Variants in SHOC1 observed in about 807,000 individuals in gnomAD.
The protein encoded by SHOC1 is shortage in chiasmata 1.
SHOC1 carries 136 observed loss-of-function variants against 179.2 expected under a neutral mutation model. That is an observed-to-expected ratio of 0.76 (90% CI 0.66 to 0.87). The LOEUF is 0.87. SHOC1 is among the 40% of genes least tolerant of loss of function. The pLI, the probability that SHOC1 is intolerant of heterozygous loss-of-function variation, is 0.00. For missense variants in SHOC1, 1,538 were observed against 1,700.8 expected (o/e 0.90, Z 1.68); for synonymous variants, 489 against 586.6 (o/e 0.83, Z 2.41).
intron 5 of SHOC1, among the ~76,000 whole-genome samples, chr9:111,767,874 G>C (rs1835416378): frequency 6.6e-6 from 1 of 151,400 alleles, no homozygotes; most frequent in South Asian, 2.1e-4. Context: ...TTTCATCAGA[G>C]TTTTATAGTT....
At chr9:111,762,074 T>TTAGTGGTC (rs1426370459) in intron 5 of SHOC1, among the ~76,000 whole-genome samples, 2 of 152,148 alleles carry the variant, frequency 1.3e-5, no homozygotes, top group Non-Finnish European at 2.9e-5. Flanking sequence ...ATTAAAAACA[T>TTAGTGGTC]TAGTGGTCTC....
chr9:111,769,991 T>G (rs1454668180), intron 5 of SHOC1, among the ~76,000 whole-genome samples: 1,767 of 142,350 alleles, frequency 0.012, 13 homozygotes, highest in Middle Eastern at 0.018. Context: ...TTTTTGTTTT[T>G]TTTTTTTTTT....
At chr9:111,711,113 A>G (rs1439134012) in intron 18 of SHOC1, among the ~76,000 whole-genome samples, 1 of 152,166 alleles carries the variant, frequency 6.6e-6, no homozygotes, top group Non-Finnish European at 1.5e-5. Flanking sequence ...AGCACAAGTG[A>G]AAGATTGGTC....
At chr9:111,754,468 G>T (rs999889079) in intron 8 of SHOC1, among the ~76,000 whole-genome samples, 1 of 152,150 alleles carries the variant, frequency 6.6e-6, no homozygotes, top group East Asian at 1.9e-4. Context: ...AACAAGTTTT[G>T]GAGAGGATGT....
chr9:111,757,814 G>A (rs947591010), intron 7 of SHOC1, among the ~76,000 whole-genome samples: 1 of 152,152 alleles, frequency 6.6e-6, no homozygotes, highest in Non-Finnish European at 1.5e-5. Context: ...AGATTTTAAA[G>A]TTCCCTATGA....
At chr9:111,689,057 T>A (rs1212816604) in intron 27 of SHOC1, among the ~76,000 whole-genome samples, 1 of 152,068 alleles carries the variant, frequency 6.6e-6, no homozygotes, top group Non-Finnish European at 1.5e-5. Context: ...TATAATCTCA[T>A]AATTGCCAAG....
intron 15 of SHOC1, 79 bp downstream of exon 15, chr9:111,722,330 T>C: frequency 7.3e-7 from 1 of 1,364,258 alleles, no homozygotes; most frequent in South Asian, 1.5e-5. Context: ...CTGAATCTTC[T>C]ATACCCAATT....
intron 12 of SHOC1, among the ~76,000 whole-genome samples, chr9:111,732,978 C>A (rs1001938163): frequency 6.6e-6 from 1 of 152,284 alleles, no homozygotes; most frequent in South Asian, 2.1e-4. Flanking sequence ...AAGAGTAGTG[C>A]ATCCTGGGGA....
At chr9:111,708,076 G>A (rs1832361110) in intron 18 of SHOC1, 152 bp from the exon 19 acceptor site, 1 of 457,052 alleles carries the variant, frequency 2.2e-6, no homozygotes, top group East Asian at 3.7e-5. Context: ...TCTAAGTTTA[G>A]CATATCAGAA....
chr9:111,791,698 ATG>A (rs1234674435), intron 1 of SHOC1, among the ~76,000 whole-genome samples: 3 of 152,206 alleles, frequency 2.0e-5, no homozygotes, highest in Non-Finnish European at 4.4e-5. Context: ...AATATATTTA[ATG>A]TGATCATTTT....
chr9:111,725,159 G>T (rs1433709531), intron 13 of SHOC1, among the ~76,000 whole-genome samples: 4 of 152,050 alleles, frequency 2.6e-5, no homozygotes, highest in East Asian at 1.9e-4. Context: ...AGATTAAAAT[G>T]CTATTTTCAA....
chr9:111,706,624 T>C lies in SHOC1; in HGVS notation c.2681A>G (p.Glu894Gly), dbSNP rs1832288367. The C allele has an allele frequency of 6.2e-7, 1 of 1,605,868 alleles. No individual in the cohort carries two copies. Among genetic ancestry groups the C allele is most frequent in the Non-Finnish European group, 8.5e-7 (1 of 1,175,712 alleles). ...AAAGGCCATGTAAGGAATATTCAAC[T>C]CTTTGCAGTGTTTAGTCCAACAAGA... The part of the protein sequence containing the change: ...EDSCWTKHCK[E>G]LNIPYMAFKV... Residue 894 changes from glutamate to glycine, a missense_variant, in exon 20 of 28, where the codon GAG becomes GGG. Physicochemically the swap from Glu to Gly is moderately conservative, Grantham distance 98. Transcript: ENST00000682961.
intron 11 of SHOC1, among the ~76,000 whole-genome samples, chr9:111,740,674 C>A (rs1055902509): frequency 2.0e-5 from 3 of 152,090 alleles, no homozygotes; most frequent in African/African-American, 7.2e-5. Context: ...CTGGTTCGAG[C>A]GATTCTCCTG....
chr9:111,774,892 A>G (rs1355479571), intron 5 of SHOC1, among the ~76,000 whole-genome samples: 1 of 152,214 alleles, frequency 6.6e-6, no homozygotes, highest in Non-Finnish European at 1.5e-5. Flanking sequence ...GCTGTTATAC[A>G]TACAAGAAAG....
intron 11 of SHOC1, among the ~76,000 whole-genome samples, chr9:111,740,671 G>C (rs187356957): frequency 7.2e-5 from 11 of 152,102 alleles, no homozygotes; most frequent in African/African-American, 2.7e-4. Flanking sequence ...TCCCTGGTTC[G>C]AGCGATTCTC....
intron 2 of SHOC1, among the ~76,000 whole-genome samples, chr9:111,788,596 T>C (rs1836345398): frequency 6.6e-6 from 1 of 152,214 alleles, no homozygotes; most frequent in Non-Finnish European, 1.5e-5. Flanking sequence ...TTTTCTAGGT[T>C]AAGCTAAAAT....
At chr9:111,693,741 G>T (rs1831556113) in intron 26 of SHOC1, 58 bp downstream of exon 26, 2 of 1,107,172 alleles carry the variant, frequency 1.8e-6, no homozygotes, top group Non-Finnish European at 2.5e-6. Context: ...TGTAAAAATA[G>T]ATACTCAAAT....
intron 5 of SHOC1, among the ~76,000 whole-genome samples, chr9:111,767,323 G>C (rs1835395097): frequency 6.6e-6 from 1 of 152,092 alleles, no homozygotes; most frequent in Admixed American, 6.6e-5. Flanking sequence ...CACAGTTTCA[G>C]GTTTTAGATT....
intron 5 of SHOC1, among the ~76,000 whole-genome samples, chr9:111,768,724 C>T (rs1015998898): frequency 3.3e-5 from 5 of 152,138 alleles, no homozygotes; most frequent in Non-Finnish European, 7.4e-5. Context: ...AATTTGATTT[C>T]TTCCTTTCCA....
Sources: allele counts gnomAD v4.1 joint callset (sites outside exome capture counted in the v4.1 genomes callset), GRCh38; gene constraint gnomAD v4.1.1; transcripts MANE v1.5; gene names NCBI Gene and HGNC (gene_info 2026-07-23, HGNC 2026-07-21).